The following CCDC39 variants were observed in gnomAD, a reference collection of about 807,000 sequenced individuals.
The protein encoded by CCDC39 is coiled-coil domain 39 molecular ruler complex subunit, also known as coiled-coil domain-containing protein 39.
Under a neutral mutation model 121.0 loss-of-function variants are expected in CCDC39, and 113 were observed. That is an observed-to-expected ratio of 0.93 (90% confidence interval 0.80 to 1.09). The LOEUF is 1.09. Among genes scored for constraint, CCDC39 ranks in the 50% least tolerant of loss-of-function variants. CCDC39 has a pLI of 0.00. For missense variants in CCDC39, 1,063 were observed against 1,074.7 expected (o/e 0.99, Z 0.15); for synonymous variants, 349 against 352.2 (o/e 0.99, Z 0.10).
chr3:180,639,106 A>T (rs1409166271), intron 13 of CCDC39, among the ~76,000 whole-genome samples: 1 of 152,164 alleles, frequency 6.6e-6, no homozygotes, highest in Non-Finnish European at 1.5e-5. Flanking sequence ...GCAATGGAAT[A>T]CTGCTATTTA....
rs374226135 is a variant in CCDC39 at position 180,661,853 on chromosome 3, A to G, written c.357+8T>C. 1.3e-4 allele frequency: 201 copies of G among 1,572,300 alleles called. No individual in the cohort carries two copies. The highest frequency in any genetic ancestry group is 1.7e-4 in the Admixed American group (9 of 53,648). ...GCACAGAATTTTAAGTAATATTTCA[A>G]CATATACTTCTTTATCACTTTTCTT... is the stretch of plus-strand genomic sequence containing the variant. On this transcript the variant is annotated splice_region_variant and intron_variant, in intron 3 of 19. Coordinates refer to ENST00000476379, the MANE Select transcript of CCDC39 (RefSeq NM_181426.2).
rs185840146 is a variant in CCDC39, at chr3:180,638,307, A to G, written c.1874+3686T>C. 4.4e-3 allele frequency among the ~76,000 whole-genome samples: 664 copies of G among 152,282 alleles called. 9 individuals carry two copies. Among genetic ancestry groups the G allele is most frequent in the African/African-American group, 0.015 (642 of 41,568 alleles). On this transcript the variant is annotated intron_variant, in intron 13 of 19. Coordinates refer to ENST00000476379, the MANE Select transcript of CCDC39 (RefSeq NM_181426.2). ...CAACACTGTAATCTAGCAGAATATGAAACAATGTTTTACAATGTTCTGTCA... is the reference window on the plus strand; with the variant it reads ...CAACACTGTAATCTAGCAGAATATGGAACAATGTTTTACAATGTTCTGTCA...
chr3:180,617,035 A>G, intron 16 of CCDC39, 69 bp from the exon 17 acceptor site: 1 of 835,892 alleles, frequency 1.2e-6, no homozygotes, highest in East Asian at 2.8e-5. Flanking sequence ...TCATTTATCA[A>G]GTATTCATTT....
chr3:180,664,376 G>C (rs1419751358), intron 1 of CCDC39, among the ~76,000 whole-genome samples: 1 of 152,106 alleles, frequency 6.6e-6, no homozygotes, highest in Non-Finnish European at 1.5e-5. Context: ...CTTCTCAAAG[G>C]CTTCACCTCG....
chr3:180,648,594 T>C (rs1392170511), intron 9 of CCDC39, among the ~76,000 whole-genome samples: 1 of 152,192 alleles, frequency 6.6e-6, no homozygotes, highest in East Asian at 1.9e-4. Context: ...CCTGTCGTCT[T>C]AATTTCATCC....
chr3:180,663,707 C>T (rs1711801265), intron 2 of CCDC39, among the ~76,000 whole-genome samples, 160 bp downstream of exon 2: 1 of 151,700 alleles, frequency 6.6e-6, no homozygotes, highest in African/African-American at 2.4e-5. Flanking sequence ...GTTAGTTCCT[C>T]TAAGCCTTTT....
Position 180,673,268 on chromosome 3 carries a change from G to C in CCDC39, c.90+6023C>G, listed in dbSNP as rs117690229. ...TTGAAAGTTCTACTGTGCATACAAT[G>C]TTATCAAACATTATTGCATGCTACA... is the stretch of plus-strand genomic sequence containing the variant. On this transcript the variant is annotated intron_variant, in intron 1 of 19. Coordinates refer to ENST00000476379, the MANE Select transcript of CCDC39 (RefSeq NM_181426.2). Among the ~76,000 whole-genome samples the C allele has an allele frequency of 6.6e-4, 100 of 152,340 alleles. 3 individuals carry two copies. In the East Asian group the frequency reaches 0.015, roughly 23 times the overall value.
rs935685432 is a variant in CCDC39 at position 180,614,021 on chromosome 3, A to G, written c.*900T>C. The G allele has an allele frequency of 3.0e-6, 1 of 333,324 alleles. No individual in the cohort carries two copies. The highest frequency in any genetic ancestry group is 2.5e-5 in the South Asian group (1 of 40,770). The allele number at this position is 333,324 out of a possible 1,614,324, so 20.6% of individuals were successfully genotyped here. ...CATGTACATTCGTGAATTCTAATAC[A>G]TTTATTTAAAATCCAGTTTTATAAT... On this transcript the variant is annotated 3_prime_UTR_variant, in exon 20 of 20. Transcript: ENST00000476379.
chr3:180,629,556 C>T (rs1717645939), intron 14 of CCDC39, among the ~76,000 whole-genome samples: 1 of 152,102 alleles, frequency 6.6e-6, no homozygotes, highest in Admixed American at 6.5e-5. Context: ...ATCATTGCAC[C>T]CATGGTTTGC....
At chr3:180,627,412 A>G (rs537034866) in intron 14 of CCDC39, among the ~76,000 whole-genome samples, 1 of 152,328 alleles carries the variant, frequency 6.6e-6, no homozygotes, top group South Asian at 2.1e-4. Flanking sequence ...CTACTGGGTC[A>G]GTTTCTTCAT....
chr3:180,673,567 A>T (rs1168405745), intron 1 of CCDC39, among the ~76,000 whole-genome samples: 2 of 152,232 alleles, frequency 1.3e-5, no homozygotes, highest in African/African-American at 4.8e-5. Flanking sequence ...CTGAAGTAAA[A>T]GTAAACATAA....
chr3:180,626,512 C>T (rs1486726962), intron 14 of CCDC39, among the ~76,000 whole-genome samples: 6 of 152,126 alleles, frequency 3.9e-5, no homozygotes, highest in African/African-American at 1.4e-4. Context: ...TGTAGGAAGT[C>T]CCACAGCAGC....
In CCDC39 at chr3:180,659,599, A is replaced by G. The variant is rs771848169; in HGVS notation, c.610-19T>C. Reference sequence around the variant, plus strand: ...ATTCTAACTGTCAAACAGAGAGCAAAGAACATTTCTGTGAATTTAAGTGGT... The same window carrying G: ...ATTCTAACTGTCAAACAGAGAGCAAGGAACATTTCTGTGAATTTAAGTGGT... On this transcript the variant is annotated intron_variant, in intron 5 of 19. Transcript: ENST00000476379. 1 of 1,606,882 alleles carries G rather than the reference A, an allele frequency of 6.2e-7. No individual in the cohort carries two copies. The highest frequency in any genetic ancestry group is 1.7e-5 in the Admixed American group (1 of 58,990).
At chr3:180,676,197 A>G (rs1467528484) in intron 1 of CCDC39, among the ~76,000 whole-genome samples, 5 of 152,200 alleles carry the variant, frequency 3.3e-5, no homozygotes, top group African/African-American at 9.6e-5. Flanking sequence ...TACCATCAGA[A>G]TGAACAGGCA....
intron 13 of CCDC39, among the ~76,000 whole-genome samples, chr3:180,633,485 TTTC>T (rs1036322402): frequency 2.0e-5 from 3 of 152,160 alleles, no homozygotes; most frequent in Admixed American, 6.5e-5. Flanking sequence ...GCAAATAAGT[TTTC>T]TTCTTCAATG....
chr3:180,644,379 T>C, intron 11 of CCDC39, 122 bp from the exon 12 acceptor site: 1 of 572,202 alleles, frequency 1.7e-6, no homozygotes, highest in East Asian at 3.3e-5. Context: ...AATAATCCTA[T>C]GTTTTATTAT....
Position 180,679,251 on chromosome 3 carries a change from GCTCT to G in CCDC39, c.90+36_90+39del, listed in dbSNP as rs1712323381. 1 of 1,536,536 alleles carries G rather than the reference GCTCT, an allele frequency of 6.5e-7. No individual in the cohort carries two copies. Among genetic ancestry groups the G allele is most frequent in the Non-Finnish European group, 9.0e-7 (1 of 1,109,202 alleles). ...GCCAACCAGAAAACGCCCCCAACAG[GCTCT>G]CTCTGCTTCCTCCCGCCTGCTTCAA... On this transcript the variant is annotated intron_variant, in intron 1 of 19. Transcript: ENST00000476379. This position sits in a 1 kb window ranked among gnomAD's most constrained non-coding sequence, Gnocchi z 4.0.
At position 180,664,003 on chromosome 3, in the gene CCDC39, C is replaced by A; in HGVS notation, c.91-17G>T. ...CTTTGACAACTGTAAATAATAAATA[C>A]TATGATTAACCAAAGTCCTATTAAG... On this transcript the variant is annotated splice_polypyrimidine_tract_variant and intron_variant, in intron 1 of 19. Transcript: ENST00000476379. 1.2e-6 allele frequency: 2 copies of A among 1,603,286 alleles called. No homozygotes were observed. Among genetic ancestry groups the A allele is most frequent in the Non-Finnish European group, 1.7e-6 (2 of 1,175,548 alleles).
At chr3:180,635,733 CT>C (rs963234671) in intron 13 of CCDC39, among the ~76,000 whole-genome samples, 3 of 152,178 alleles carry the variant, frequency 2.0e-5, no homozygotes, top group Admixed American at 2.0e-4. Context: ...CTGTGGCTGC[CT>C]TCACAGGCTG....
Sources: gnomAD v4.1 joint callset for allele counts (sites outside exome capture counted in the v4.1 genomes callset) on GRCh38, gnomAD v4.1.1 for gene constraint, Gnocchi (gnomAD v3.1) non-coding constraint, MANE v1.5 for transcripts, NCBI Gene and HGNC (gene_info 2026-07-23, HGNC 2026-07-21) for gene names.